The following PTPRA variants were observed in gnomAD, a reference collection of about 807,000 sequenced individuals.
PTPRA encodes the protein receptor-type tyrosine-protein phosphatase alpha.
A neutral mutation model predicts 104.8 loss-of-function variants in PTPRA; 25 were observed. The ratio of observed to expected loss-of-function variants is 0.24; its 90% confidence interval spans 0.17 to 0.33. The LOEUF (loss-of-function observed/expected upper bound fraction) is 0.33, where lower values mean the gene tolerates loss of function less well. PTPRA is among the 10% of genes least tolerant of loss of function. The probability of loss-of-function intolerance (pLI) is 1.00; values close to 1 mark genes in which losing one functional copy is unlikely to be tolerated. For missense variants in PTPRA, 765 were observed against 1,015.3 expected (o/e 0.75, Z 3.35); for synonymous variants, 323 against 368.9 (o/e 0.88, Z 1.43).
At chr20:3,009,899 A>G (rs1051494626) in intron 11 of PTPRA, among the ~76,000 whole-genome samples, 1 of 151,046 alleles carries the variant, frequency 6.6e-6, no homozygotes, top group African/African-American at 2.4e-5. Flanking sequence ...CCCAGGCTGG[A>G]TTGCACTGGT....
intron 1 of PTPRA, among the ~76,000 whole-genome samples, chr20:2,913,325 C>T (rs1461133536): frequency 6.6e-6 from 1 of 152,120 alleles, no homozygotes; most frequent in Non-Finnish European, 1.5e-5. Context: ...TTGCAGTGAG[C>T]TGAGATTGTG....
At chr20:2,883,330 G>A (rs2090171811) in intron 1 of PTPRA, among the ~76,000 whole-genome samples, 1 of 152,150 alleles carries the variant, frequency 6.6e-6, no homozygotes, top group African/African-American at 2.4e-5. Context: ...TAAATAGTGA[G>A]TGAAAAAGGA....
At chr20:3,000,694 A>G (rs2063587622) in intron 9 of PTPRA, among the ~76,000 whole-genome samples, 1 of 152,208 alleles carries the variant, frequency 6.6e-6, no homozygotes, top group Admixed American at 6.5e-5. Flanking sequence ...GGAGCACTAC[A>G]AAGTAGCTGA....
intron 9 of PTPRA, among the ~76,000 whole-genome samples, chr20:2,991,730 G>A (rs747022147): frequency 2.6e-5 from 4 of 152,190 alleles, no homozygotes; most frequent in Non-Finnish European, 5.9e-5. Flanking sequence ...TGGCAACCGT[G>A]TTCACGAGCT....
intron 9 of PTPRA, among the ~76,000 whole-genome samples, chr20:2,998,930 T>TTACTA (rs2063514005): frequency 2.0e-5 from 3 of 148,366 alleles, no homozygotes; most frequent in Admixed American, 1.3e-4. Flanking sequence ...TATTTATAAT[T>TTACTA]TATTATATAT....
chr20:2,962,942 C>A (rs780882164), intron 3 of PTPRA, among the ~76,000 whole-genome samples: 1 of 152,126 alleles, frequency 6.6e-6, no homozygotes, highest in East Asian at 1.9e-4. Context: ...AGAGTCACTA[C>A]CACATTGAAC....
chr20:2,895,918 A>AT (rs997158190), intron 1 of PTPRA, among the ~76,000 whole-genome samples: 2 of 151,960 alleles, frequency 1.3e-5, no homozygotes, highest in Admixed American at 6.6e-5. Context: ...AATTACCGAT[A>AT]TTTTGGTTCA....
chr20:2,927,574 G>A (rs1459569487), intron 2 of PTPRA, among the ~76,000 whole-genome samples: 1 of 152,166 alleles, frequency 6.6e-6, no homozygotes, highest in African/African-American at 2.4e-5. Context: ...ACTCCAATCC[G>A]AGACCAGTGG....
the PTPRA span, chr20:2,864,286 G>A: frequency 1.2e-6 from 2 of 1,614,194 alleles, no homozygotes; most frequent in Non-Finnish European, 1.7e-6. This position sits in a 1 kb window ranked among gnomAD's most constrained non-coding sequence, Gnocchi z 5.2. Flanking sequence ...ACACTGACCT[G>A]GGTGAGGGCA....
At position 2,886,393 on chromosome 20, in the gene PTPRA, A is replaced by T. The variant is rs917715207; in HGVS notation, c.-129+12633A>T. On this transcript the variant is annotated intron_variant, in intron 1 of 23. Transcript: ENST00000399903. ...TTACAGACGAGACAAGAATTGCCAT[A>T]CGTTGATAATTATTGAAGCTGGATA... Among the ~76,000 whole-genome samples, 3 of 152,286 alleles carry T rather than the reference A, an allele frequency of 2.0e-5. No homozygotes were observed. The South Asian group carries it at 6.2e-4, about 32-fold the overall frequency.
At chr20:3,027,009 T>C in intron 18 of PTPRA, 112 bp from the exon 19 acceptor site, 1 of 1,212,060 alleles carries the variant, frequency 8.3e-7, no homozygotes, top group Middle Eastern at 2.0e-4. Flanking sequence ...GGAACAGACA[T>C]GTCCTTGCCC....
At chr20:3,016,665 G>A (rs1266996919) in intron 12 of PTPRA, among the ~76,000 whole-genome samples, 3 of 152,180 alleles carry the variant, frequency 2.0e-5, no homozygotes, top group Admixed American at 6.5e-5. Flanking sequence ...ACATGAACCC[G>A]GGAGCCAGAG....
At chr20:2,964,233 A>G in intron 3 of PTPRA, 39 bp from the exon 4 acceptor site, 1 of 1,488,338 alleles carries the variant, frequency 6.7e-7, no homozygotes, top group Non-Finnish European at 9.3e-7. Context: ...TAGTCCTGAT[A>G]ATATAGGACC....
chr20:2,888,701 T>C (rs1158491859), intron 1 of PTPRA, among the ~76,000 whole-genome samples: 3 of 152,202 alleles, frequency 2.0e-5, no homozygotes, highest in Non-Finnish European at 4.4e-5. Context: ...AAAGGTAGTT[T>C]TCTCTCCCCC....
intron 1 of PTPRA, among the ~76,000 whole-genome samples, chr20:2,915,845 G>A (rs12481008): frequency 0.023 from 3,508 of 152,174 alleles, 121 homozygotes; most frequent in African/African-American, 0.067. Flanking sequence ...TTAGCCTATG[G>A]CGTGTGCCTG....
intron 10 of PTPRA, among the ~76,000 whole-genome samples, chr20:3,005,588 A>G (rs2063826399): frequency 6.7e-6 from 1 of 148,452 alleles, no homozygotes; most frequent in African/African-American, 2.5e-5. Flanking sequence ...AAATAATAAT[A>G]AATAAGATAA....
At chr20:2,970,798 A>C (rs916802446) in intron 5 of PTPRA, among the ~76,000 whole-genome samples, 2 of 148,870 alleles carry the variant, frequency 1.3e-5, no homozygotes, top group African/African-American at 5.2e-5. Context: ...CTGGACTTCT[A>C]TGGTTTCGTG....
At position 3,006,033 on chromosome 20, in the gene PTPRA, T is replaced by A. The variant is rs1002202163; in HGVS notation, c.829+887T>A. On this transcript the variant is annotated intron_variant, in intron 10 of 23. Coordinates refer to ENST00000399903, the MANE Select transcript of PTPRA (RefSeq NM_001385305.1). ...AGAACCTGTGAAAATGTTTTTTTTT[T>A]AATTTTTTGTAGAGATGGTCTTGCT... Among the ~76,000 whole-genome samples the A allele has an allele frequency of 2.0e-4, 31 of 152,258 alleles. No individual in the cohort carries two copies. The East Asian group carries it at 3.9e-3, about 19-fold the overall frequency.
At chr20:3,026,022 T>G (rs1211792454) in intron 17 of PTPRA, among the ~76,000 whole-genome samples, 1 of 151,664 alleles carries the variant, frequency 6.6e-6, no homozygotes, top group African/African-American at 2.4e-5. Context: ...CTCAGCTCAC[T>G]GCAACCTCTG....
Sources: allele counts gnomAD v4.1 joint callset (sites outside exome capture counted in the v4.1 genomes callset), GRCh38; gene constraint gnomAD v4.1.1; non-coding constraint Gnocchi (gnomAD v3.1); transcripts MANE v1.5; gene names NCBI Gene and HGNC (gene_info 2026-07-23, HGNC 2026-07-21).